NCOR1: variants seen among roughly 807,000 people sequenced by gnomAD.
NCOR1 encodes the protein protein phosphatase 1, regulatory subunit 109.
A neutral mutation model predicts 288.1 loss-of-function variants in NCOR1; 63 were observed. That is an observed-to-expected ratio of 0.22 (90% confidence interval 0.18 to 0.27). NCOR1 has a LOEUF of 0.27. NCOR1 is among the 10% of genes least tolerant of loss of function. The pLI, the probability that NCOR1 is intolerant of heterozygous loss-of-function variation, is 1.00. For missense variants in NCOR1, 2,397 were observed against 3,019.2 expected, an observed-to-expected ratio of 0.79 and a Z score of 4.83; for synonymous variants, 1,007 against 1,065.9, an observed-to-expected ratio of 0.94 and a Z score of 1.08.
At chr17:16,085,951 A>G (rs2064161080) in intron 23 of NCOR1, among the ~76,000 whole-genome samples, 1 of 152,242 alleles carries the variant, frequency 6.6e-6, no homozygotes, top group African/African-American at 2.4e-5. Context: ...ACCATATGTT[A>G]GTGAACAAAT....
chr17:16,061,633 A>T lies in NCOR1; in HGVS notation c.5649T>A (p.Thr1883=), dbSNP rs2152601892. The T allele has an allele frequency of 6.2e-7, 1 of 1,614,236 alleles. No individual in the cohort carries two copies. Among genetic ancestry groups the T allele is most frequent in the Non-Finnish European group, 8.5e-7 (1 of 1,180,048 alleles). Reference sequence around the variant, plus strand: ...GCTTGCCACTTGGAAAGGCTGAAGAAGTGTATAAACACTGAACAGATCTCT... The same window carrying T: ...GCTTGCCACTTGGAAAGGCTGAAGATGTGTATAAACACTGAACAGATCTCT... ...VEKRSVQCLY[T]SSAFPSGKPQ... is the part of the protein sequence containing the mutation. The change falls in exon 37 of 46, where the codon ACT becomes ACA. Residue 1883 remains threonine, a synonymous_variant. Coordinates refer to ENST00000268712, the MANE Select transcript of NCOR1 (RefSeq NM_006311.4).
At chr17:16,130,146 G>A (rs1266064879) in intron 14 of NCOR1, among the ~76,000 whole-genome samples, 2 of 152,208 alleles carry the variant, frequency 1.3e-5, no homozygotes, top group African/African-American at 4.8e-5. Context: ...ATACTGACCA[G>A]GCAGTGGTGA....
intron 5 of NCOR1, among the ~76,000 whole-genome samples, chr17:16,163,144 TA>T (rs2081224216): frequency 6.6e-6 from 1 of 151,970 alleles, no homozygotes. Flanking sequence ...ACACCAAATG[TA>T]AGAGTGACAA....
At chr17:16,208,206 A>ATTTTTTTTTTTTTTTTTTTT (rs757019446) in intron 1 of NCOR1, among the ~76,000 whole-genome samples, 4 of 65,552 alleles carry the variant, frequency 6.1e-5, no homozygotes, top group Admixed American at 2.3e-4. Context: ...ATGCCCAGCT[A>ATTTTTTTTTTTTTTTTTTTT]TTTTTTTTTT....
intron 3 of NCOR1, among the ~76,000 whole-genome samples, chr17:16,178,025 C>T (rs1356327675): frequency 6.6e-6 from 1 of 151,686 alleles, no homozygotes; most frequent in Non-Finnish European, 1.5e-5. Context: ...GCCTGGCCAA[C>T]ATGGTGAAAC....
At chr17:16,200,048 A>G (rs1215754820) in intron 1 of NCOR1, among the ~76,000 whole-genome samples, 3 of 152,162 alleles carry the variant, frequency 2.0e-5, no homozygotes, top group African/African-American at 4.8e-5. Flanking sequence ...AAAATCTTGC[A>G]ACAACAAAAT....
At chr17:16,034,968 G>C (rs1567620269) in intron 44 of NCOR1, 24 bp from the exon 45 acceptor site, 1 of 1,608,298 alleles carries the variant, frequency 6.2e-7, no homozygotes, top group Non-Finnish European at 8.5e-7. Flanking sequence ...TCAAGTTAAA[G>C]TATTAATATA....
chr17:16,120,457 C>T (rs1225176359), intron 16 of NCOR1, among the ~76,000 whole-genome samples: 6 of 152,058 alleles, frequency 3.9e-5, no homozygotes, highest in Non-Finnish European at 7.4e-5. Context: ...ATTCCCTAAA[C>T]TGCATTTTCT....
Position 16,114,153 on chromosome 17 carries a change from A to AC in NCOR1, c.2055+3734_2055+3735insG, listed in dbSNP as rs1473386585. ...CATGATGGCGGCAGGCAAAAAAAAA[A>AC]AAAAAAAAAAAAAAAACTTGTGCAG... On this transcript the variant is annotated intron_variant, in intron 18 of 45. Transcript: ENST00000268712. 2.7e-3 allele frequency among the ~76,000 whole-genome samples: 364 copies of AC among 133,414 alleles called. 25 individuals are homozygous for AC. Among genetic ancestry groups the AC allele is most frequent in the African/African-American group, 8.3e-3 (329 of 39,488 alleles). The allele number at this position is 133,414 out of a possible 152,430, so 87.5% of individuals were successfully genotyped here.
chr17:16,156,210 T>G (rs1210810747), intron 6 of NCOR1, among the ~76,000 whole-genome samples: 4 of 151,748 alleles, frequency 2.6e-5, no homozygotes, highest in African/African-American at 7.3e-5. Flanking sequence ...CCAAGATGGG[T>G]AGATGACTTG....
chr17:16,176,432 T>C (rs2084208177), intron 3 of NCOR1, among the ~76,000 whole-genome samples: 1 of 151,706 alleles, frequency 6.6e-6, no homozygotes, highest in Non-Finnish European at 1.5e-5. Flanking sequence ...CCACTCCCAG[T>C]TAATTTTTAT....
rs779863527 is a variant in NCOR1, at chr17:16,032,354, C to T, written c.7265G>A (p.Arg2422Gln). ...APHQQNRIWEREPAPLLSAQY... is the reference protein window; with the variant it reads ...APHQQNRIWEQEPAPLLSAQY... ...TGCTGAGAGCAGTGGGGCAGGCTCT[C>T]GCTCCCAGATCCTGTTCTGTTGGTG... The change falls in exon 46 of 46, where the codon CGA (arginine) becomes CAA (glutamine). Residue 2422 changes from arginine (R) to glutamine (Q), a missense_variant. Transcript: ENST00000268712. The T allele has an allele frequency of 1.9e-5, 30 of 1,614,004 alleles. No homozygotes were observed. The highest frequency in any genetic ancestry group is 1.6e-4 in the Middle Eastern group (1 of 6,080).
Position 16,040,425 on chromosome 17 carries a change from G to A in NCOR1, c.6733+16C>T. 6.2e-7 allele frequency: 1 copy of A among 1,611,612 alleles called. No individual in the cohort carries two copies. Among genetic ancestry groups the A allele is most frequent in the Non-Finnish European group, 8.5e-7 (1 of 1,178,340 alleles). ...TGCCAATTTTGTATTGGTAAATAAT[G>A]TCTTTTCAATCTTACCTGACGTAGT... On this transcript the variant is annotated intron_variant, in intron 43 of 45. Coordinates refer to ENST00000268712, the MANE Select transcript of NCOR1 (RefSeq NM_006311.4).
In NCOR1 at chr17:16,061,875, G is replaced by A. The variant is rs1167482965; in HGVS notation, c.5407C>T (p.Pro1803Ser). Residue 1803 changes from proline (P) to serine (S), a missense_variant, in exon 37 of 46, where the codon CCT becomes TCT. Physicochemically the swap from Pro to Ser is moderately conservative, Grantham distance 74. Coordinates refer to ENST00000268712, the MANE Select transcript of NCOR1 (RefSeq NM_006311.4). ...LRIMPLPAGG[P>S]SISQGLPASR... ...GCTGGCAGGCCTTGGCTTATTGAAG[G>A]GCCCCCAGCAGGCAGTGGCCTGTAA... 4 of 1,609,620 alleles carry A rather than the reference G, an allele frequency of 2.5e-6. No homozygotes were observed. The highest frequency in any genetic ancestry group is 3.4e-5 in the Admixed American group (2 of 59,460).
In NCOR1 at chr17:16,137,541, G is replaced by C; in HGVS notation, c.1408-129C>G. ...TTAAAGAAAAAGAACAACATACATT[G>C]CTAGCATTTTAAGGCATATCTAGGC... On this transcript the variant is annotated intron_variant, in intron 13 of 45. Coordinates refer to ENST00000268712, the MANE Select transcript of NCOR1 (RefSeq NM_006311.4). 5.8e-6 allele frequency: 3 copies of C among 517,830 alleles called. No individual in the cohort carries two copies. The East Asian group carries it at 9.6e-5, about 17-fold the overall frequency. 32.1% of individuals were successfully genotyped at this position (517,830 alleles called of 1,614,324 possible).
intron 1 of NCOR1, among the ~76,000 whole-genome samples, chr17:16,205,503 C>T (rs2091382757): frequency 6.6e-6 from 1 of 152,004 alleles, no homozygotes; most frequent in South Asian, 2.1e-4. Flanking sequence ...CGCCTGTAAT[C>T]CCAGCTACTT....
At position 16,071,436 on chromosome 17, in the gene NCOR1, C is replaced by G. The variant is rs1393129197; in HGVS notation, c.4125G>C (p.Arg1375=). The change falls in exon 30 of 46, where the codon CGG becomes CGC. Residue 1375 remains arginine, a synonymous_variant. Transcript: ENST00000268712. ...RKTPEVVQST[R]PIIEGSISQG... ...GGGAAATGGAACCCTCAATTATCGG[C>G]CGTGTGCTCTGGACCACTTCTGGAG... 6.2e-7 allele frequency: 1 copy of G among 1,613,874 alleles called. No individual in the cohort carries two copies. The highest frequency in any genetic ancestry group is 8.5e-7 in the Non-Finnish European group (1 of 1,179,882).
At chr17:16,188,317 A>T (rs1396623910) in intron 2 of NCOR1, among the ~76,000 whole-genome samples, 1 of 152,170 alleles carries the variant, frequency 6.6e-6, no homozygotes. Context: ...AAAACCATTT[A>T]AAAAACTTTT....
At chr17:16,083,644 T>TG (rs553200847) in intron 23 of NCOR1, among the ~76,000 whole-genome samples, 19 of 151,834 alleles carry the variant, frequency 1.3e-4, no homozygotes, top group Middle Eastern at 3.2e-3. Flanking sequence ...CTCAGATGTT[T>TG]GGGGGGAAAC....
Sources: gnomAD v4.1 joint callset for allele counts (sites outside exome capture counted in the v4.1 genomes callset) on GRCh38, gnomAD v4.1.1 for gene constraint, MANE v1.5 for transcripts, NCBI Gene and HGNC (gene_info 2026-07-23, HGNC 2026-07-21) for gene names.